The following SPAG16 variants were observed in gnomAD, a reference collection of about 807,000 sequenced individuals.
The protein encoded by SPAG16 is sperm-associated antigen 16 protein.
A neutral mutation model predicts 80.4 loss-of-function variants in SPAG16; 86 were observed. The ratio of observed to expected loss-of-function variants is 1.07; its 90% CI spans 0.90 to 1.28. SPAG16 has a LOEUF of 1.28. Ranked by LOEUF, SPAG16 falls within the 50% of genes most tolerant of loss-of-function variation. The pLI, the probability that SPAG16 is intolerant of heterozygous loss-of-function variation, is 0.00. For missense variants in SPAG16, 870 were observed against 765.3 expected, an observed-to-expected ratio of 1.14 and a Z score of -1.61; for synonymous variants, 294 against 265.9, an observed-to-expected ratio of 1.11 and a Z score of -1.03.
intron 10 of SPAG16, among the ~76,000 whole-genome samples, chr2:213,637,422 C>T (rs2062407571): frequency 6.6e-6 from 1 of 152,050 alleles, no homozygotes; most frequent in Admixed American, 6.6e-5. Context: ...ATGTCCTTTT[C>T]TTGTTTTGGT....
intron 10 of SPAG16, among the ~76,000 whole-genome samples, chr2:213,809,471 C>G (rs2071987290): frequency 6.6e-6 from 1 of 151,898 alleles, no homozygotes; most frequent in South Asian, 2.1e-4. Flanking sequence ...AACACAGTAG[C>G]TCTAAATGAA....
At chr2:213,874,567 G>A (rs968531652) in intron 11 of SPAG16, among the ~76,000 whole-genome samples, 5 of 152,084 alleles carry the variant, frequency 3.3e-5, no homozygotes, top group African/African-American at 1.2e-4. Context: ...TAAACAACTA[G>A]CAGTGCAGTA....
chr2:213,420,079 C>T (rs2069497447), intron 9 of SPAG16, among the ~76,000 whole-genome samples: 1 of 152,102 alleles, frequency 6.6e-6, no homozygotes, highest in South Asian at 2.1e-4. Context: ...AAGCAATAAA[C>T]ATTGGTTTAC....
intron 15 of SPAG16, among the ~76,000 whole-genome samples, chr2:214,181,163 G>C (rs1241161316): frequency 1.3e-5 from 2 of 151,728 alleles, no homozygotes; most frequent in East Asian, 3.9e-4. Flanking sequence ...GCTTAACAGA[G>C]AACATCTGAG....
rs78369763 is a variant in SPAG16 at position 213,544,951 on chromosome 2, T to C, written c.1070+54861T>C. ...GGACAGCTTGGTTGCTTCCAAGTGT[T>C]GAAAATTGTGAAGAAAGCTGCTATA... On this transcript the variant is annotated intron_variant, in intron 10 of 15. Transcript: ENST00000331683. Among the ~76,000 whole-genome samples the C allele has an allele frequency of 7.6e-3, 1,152 of 152,252 alleles. 15 individuals are homozygous for C. The highest frequency in any genetic ancestry group is 0.027 in the African/African-American group (1,108 of 41,568).
intron 10 of SPAG16, among the ~76,000 whole-genome samples, chr2:213,697,273 T>G (rs2125313171): frequency 6.6e-6 from 1 of 152,324 alleles, no homozygotes; most frequent in African/African-American, 2.4e-5. Context: ...GTATGAATAC[T>G]CATTTTACAT....
chr2:213,520,031 A>ACG (rs905557616), intron 10 of SPAG16, among the ~76,000 whole-genome samples: 3 of 151,802 alleles, frequency 2.0e-5, no homozygotes, highest in African/African-American at 7.3e-5. Context: ...GTGCGTGCAC[A>ACG]CACACACACA....
chr2:213,368,625 G>A (rs892579004), intron 8 of SPAG16, among the ~76,000 whole-genome samples: 1 of 152,142 alleles, frequency 6.6e-6, no homozygotes, highest in Non-Finnish European at 1.5e-5. Flanking sequence ...AAGTCAAATT[G>A]TCCCTGTTTG....
intron 12 of SPAG16, among the ~76,000 whole-genome samples, chr2:213,950,702 C>CTTTTT (rs59353089): frequency 3.0e-5 from 3 of 99,708 alleles, no homozygotes; most frequent in Non-Finnish European, 5.7e-5. Context: ...TTTTTTCTTT[C>CTTTTT]TTTTTTTTTT....
intron 7 of SPAG16, among the ~76,000 whole-genome samples, chr2:213,361,936 C>G (rs933874045): frequency 4.6e-5 from 7 of 152,024 alleles, no homozygotes; most frequent in African/African-American, 1.4e-4. Context: ...GTAAGGGAGA[C>G]TGGCTTGGGG....
intron 10 of SPAG16, among the ~76,000 whole-genome samples, chr2:213,756,518 A>T (rs966201959): frequency 3.3e-5 from 5 of 152,188 alleles, no homozygotes; most frequent in Non-Finnish European, 4.4e-5. Context: ...AGACTAATTG[A>T]GCAAGGCCTT....
intron 14 of SPAG16, among the ~76,000 whole-genome samples, chr2:214,120,245 T>C (rs1306312089): frequency 6.6e-6 from 1 of 151,788 alleles, no homozygotes; most frequent in Admixed American, 6.6e-5. Context: ...TCCCAATTAA[T>C]TTCTTCCCAA....
intron 15 of SPAG16, among the ~76,000 whole-genome samples, chr2:214,157,329 TGC>T (rs2056259383): frequency 6.6e-6 from 1 of 152,142 alleles, no homozygotes; most frequent in Non-Finnish European, 1.5e-5. Flanking sequence ...AAGTCAGAAT[TGC>T]ATTTCATTAA....
intron 11 of SPAG16, among the ~76,000 whole-genome samples, chr2:213,875,057 T>C (rs1446341877): frequency 6.6e-6 from 1 of 152,018 alleles, no homozygotes; most frequent in Non-Finnish European, 1.5e-5. Flanking sequence ...TTTTCCTGCC[T>C]TACTCTCCAT....
chr2:213,842,983 T>C (rs1267117607), intron 10 of SPAG16, among the ~76,000 whole-genome samples: 1 of 152,198 alleles, frequency 6.6e-6, no homozygotes, highest in East Asian at 1.9e-4. Context: ...TTGCCCAGGC[T>C]GGTTTTGAAC....
chr2:214,380,022 A>G (rs1700356791), intron 15 of SPAG16, among the ~76,000 whole-genome samples: 1 of 152,118 alleles, frequency 6.6e-6, no homozygotes. Context: ...CATTGTATAC[A>G]CACTGCATTC....
intron 10 of SPAG16, among the ~76,000 whole-genome samples, chr2:213,618,859 A>G (rs1282305475): frequency 1.3e-5 from 2 of 152,080 alleles, no homozygotes; most frequent in Admixed American, 1.3e-4. Flanking sequence ...TTCTTTCCAG[A>G]TTCCCTGCTT....
rs575187868 is a variant in SPAG16, at chr2:213,547,761, T to A, written c.1070+57671T>A. Among the ~76,000 whole-genome samples the A allele has an allele frequency of 4.6e-5, 7 of 152,336 alleles. No homozygotes were observed. In the East Asian group the frequency reaches 1.3e-3, roughly 29 times the overall value. On this transcript the variant is annotated intron_variant, in intron 10 of 15. Transcript: ENST00000331683. ...TAACCATTTAATATATTTTTTCGTA[T>A]CCTTCGGAGGATTCATTTATATGCA...
intron 10 of SPAG16, among the ~76,000 whole-genome samples, chr2:213,851,128 A>G (rs2074883320): frequency 6.6e-6 from 1 of 152,194 alleles, no homozygotes; most frequent in Admixed American, 6.5e-5. Context: ...ATAAAATACA[A>G]GTTTTTAGAA....
Sources: allele counts gnomAD v4.1 joint callset (sites outside exome capture counted in the v4.1 genomes callset), GRCh38; gene constraint gnomAD v4.1.1; transcripts MANE v1.5; gene names NCBI Gene and HGNC (gene_info 2026-07-23, HGNC 2026-07-21).